The following PCDHA2 variants were observed in gnomAD, a reference collection of about 807,000 sequenced individuals.
The protein encoded by PCDHA2 is protocadherin alpha 2.
PCDHA2 carries 58 observed loss-of-function variants against 66.0 expected under a neutral mutation model. The observed-to-expected ratio is 0.88, with a 90% CI of 0.71 to 1.09. The LOEUF is 1.09. Among genes scored for constraint, PCDHA2 ranks in the 50% least tolerant of loss-of-function variants. The pLI, the probability that PCDHA2 is intolerant of heterozygous loss-of-function variation, is 0.00. For missense variants in PCDHA2, 1,267 were observed against 1,242.3 expected, an observed-to-expected ratio of 1.02 and a Z score of -0.30; for synonymous variants, 634 against 554.0, an observed-to-expected ratio of 1.14 and a Z score of -2.03.
intron 1 of PCDHA2, chr5:140,877,293 G>C (rs782717737): frequency 1.2e-6 from 2 of 1,613,936 alleles, no homozygotes; most frequent in Non-Finnish European, 1.7e-6. Context: ...ACGCTTGGCT[G>C]TCCTACGAGT....
At chr5:140,803,778 G>A (rs1554122966) in intron 1 of PCDHA2, 3 of 976,582 alleles carry the variant, frequency 3.1e-6, no homozygotes, top group East Asian at 5.2e-5. Context: ...CAAATCAGCA[G>A]TAAGTTATGA....
chr5:140,802,194 C>G, intron 1 of PCDHA2: 1 of 1,614,226 alleles, frequency 6.2e-7, no homozygotes, highest in Non-Finnish European at 8.5e-7. Flanking sequence ...AATGTCAGAT[C>G]ACTGCACAGT....
chr5:140,923,974 C>G (rs2081604148), intron 1 of PCDHA2, among the ~76,000 whole-genome samples: 1 of 152,212 alleles, frequency 6.6e-6, no homozygotes, highest in South Asian at 2.1e-4. Context: ...CCCACACATA[C>G]TATCCCTCTA....
chr5:140,906,239 T>G (rs563566442), intron 1 of PCDHA2, among the ~76,000 whole-genome samples: 5 of 152,314 alleles, frequency 3.3e-5, no homozygotes, highest in Admixed American at 1.3e-4. Context: ...CCTTGTCAAC[T>G]TGAACCCATA....
At chr5:140,884,493 C>T (rs782633321) in intron 1 of PCDHA2, 2 of 1,614,038 alleles carry the variant, frequency 1.2e-6, no homozygotes, top group African/African-American at 1.3e-5. Flanking sequence ...CTAGTGTGCT[C>T]CAGCGCGGCA....
intron 1 of PCDHA2, chr5:140,881,212 G>A: frequency 9.7e-6 from 2 of 206,268 alleles, no homozygotes; most frequent in Non-Finnish European, 1.7e-5. Flanking sequence ...TCTAGCTGTT[G>A]TTTCTTGGAA....
At chr5:140,845,460 T>C (rs1432281352) in intron 1 of PCDHA2, among the ~76,000 whole-genome samples, 1 of 149,744 alleles carries the variant, frequency 6.7e-6, no homozygotes, top group Non-Finnish European at 1.5e-5. Context: ...AACTCTCTGA[T>C]ATTTGAATTT....
At chr5:140,864,869 A>G (rs2048638117) in intron 1 of PCDHA2, 1 of 152,160 alleles carries the variant, frequency 6.6e-6, no homozygotes, top group South Asian at 2.1e-4. Context: ...GGGTGATACC[A>G]TTGTCTGTGT....
chr5:140,968,081 G>A, intron 1 of PCDHA2: 2 of 1,614,120 alleles, frequency 1.2e-6, no homozygotes, highest in Non-Finnish European at 1.7e-6. Context: ...CAACATCACG[G>A]TGACAGCCAC....
intron 3 of PCDHA2, among the ~76,000 whole-genome samples, chr5:140,988,428 G>A (rs1186229744): frequency 6.6e-6 from 1 of 152,160 alleles, no homozygotes; most frequent in Non-Finnish European, 1.5e-5. Context: ...GAATTTGTTT[G>A]TTTTGGATTG....
At chr5:140,968,278 G>A in intron 1 of PCDHA2, 1 of 1,614,014 alleles carries the variant, frequency 6.2e-7, no homozygotes, top group Non-Finnish European at 8.5e-7. Context: ...ATGCAGAGGT[G>A]ACCTACTCCC....
intron 1 of PCDHA2, chr5:140,875,748 C>T (rs2055764549): frequency 6.2e-7 from 1 of 1,614,078 alleles, no homozygotes; most frequent in South Asian, 1.1e-5. Flanking sequence ...GGATCGACCG[C>T]GAGAAGCTGT....
chr5:140,802,367 G>T (rs782105993), intron 1 of PCDHA2: 6 of 1,614,224 alleles, frequency 3.7e-6, no homozygotes, highest in Non-Finnish European at 3.4e-6. Flanking sequence ...GCTCGCTGAC[G>T]CCCCACGTCC....
chr5:140,986,566 TTA>T (rs782155316), intron 3 of PCDHA2, among the ~76,000 whole-genome samples: 3 of 152,114 alleles, frequency 2.0e-5, no homozygotes, highest in Non-Finnish European at 4.4e-5. Context: ...TTGTTATCTG[TTA>T]TTGGTTTTTC....
chr5:140,875,192 C>A, intron 1 of PCDHA2: 2 of 509,100 alleles, frequency 3.9e-6, no homozygotes, highest in Non-Finnish European at 6.3e-6. Context: ...AAGAGTGACC[C>A]AGGAAGTGGC....
At chr5:140,921,437 G>A (rs2080219286) in intron 1 of PCDHA2, among the ~76,000 whole-genome samples, 1 of 151,992 alleles carries the variant, frequency 6.6e-6, no homozygotes, top group South Asian at 2.1e-4. Context: ...TTTCTTCAAT[G>A]GTGTCTGAAA....
chr5:140,967,974 G>A (rs782644202), intron 1 of PCDHA2: 3 of 1,614,204 alleles, frequency 1.9e-6, no homozygotes, highest in South Asian at 1.1e-5. Flanking sequence ...GTGAGCCTGG[G>A]TCTGGAGGCC....
chr5:140,837,389 T>A (rs1775035247), intron 1 of PCDHA2, among the ~76,000 whole-genome samples: 1 of 151,976 alleles, frequency 6.6e-6, no homozygotes, highest in Non-Finnish European at 1.5e-5. Context: ...TTGTTCCTTG[T>A]TTGTATAAGA....
At position 140,928,998 on chromosome 5, in the gene PCDHA2, C is replaced by G. The variant is rs1448389331; in HGVS notation, c.2389-49951C>G. On this transcript the variant is annotated intron_variant, in intron 1 of 3. Coordinates refer to ENST00000526136, the MANE Select transcript of PCDHA2 (RefSeq NM_018905.3). The stretch of plus-strand genomic sequence containing the variant: ...TATTTCTGGGGTGCTTACTTTTCTT[C>G]GTGTGTACCAAGTTGCACCAGAGCC... The G allele has an allele frequency of 8.1e-6, 13 of 1,613,784 alleles. No individual in the cohort carries two copies. The Admixed American group carries it at 2.2e-4, about 27-fold the overall frequency.
Sources: gnomAD v4.1 joint callset for allele counts (sites outside exome capture counted in the v4.1 genomes callset) on GRCh38, gnomAD v4.1.1 for gene constraint, MANE v1.5 for transcripts, NCBI Gene and HGNC (gene_info 2026-07-23, HGNC 2026-07-21) for gene names.